Variants in PTPRD observed in about 807,000 individuals in gnomAD.
The protein encoded by PTPRD is protein tyrosine phosphatase receptor type D.
PTPRD carries 34 observed loss-of-function variants against 214.5 expected under a neutral mutation model. The ratio of observed to expected loss-of-function variants is 0.16; its 90% CI spans 0.12 to 0.21. PTPRD has a LOEUF of 0.21. PTPRD is among the 10% of genes least tolerant of loss of function. The pLI, the probability that PTPRD is intolerant of heterozygous loss-of-function variation, is 1.00. For synonymous variants in PTPRD, 1,128 were observed against 845.7 expected, an observed-to-expected ratio of 1.33 and a Z score of -5.79; for missense variants, 2,545 against 2,398.7, an observed-to-expected ratio of 1.06 and a Z score of -1.27.
intron 3 of PTPRD, among the ~76,000 whole-genome samples, chr9:10,144,176 T>C (rs1486029544): frequency 1.3e-5 from 2 of 152,142 alleles, no homozygotes; most frequent in Admixed American, 1.3e-4. Context: ...AAATTATCTT[T>C]TTAACAATTC....
At chr9:9,275,571 G>A (rs1423087689) in intron 9 of PTPRD, among the ~76,000 whole-genome samples, 2 of 151,120 alleles carry the variant, frequency 1.3e-5, no homozygotes, top group Non-Finnish European at 3.0e-5. Context: ...CCTAGATTAT[G>A]CTTTCTGCTT....
At chr9:9,458,177 A>T (rs1032056957) in intron 8 of PTPRD, among the ~76,000 whole-genome samples, 3 of 152,042 alleles carry the variant, frequency 2.0e-5, no homozygotes, top group African/African-American at 7.2e-5. Flanking sequence ...CACTCTAGAT[A>T]TAATCTAGGT....
At chr9:9,157,564 T>A (rs1180480505) in intron 10 of PTPRD, among the ~76,000 whole-genome samples, 2 of 152,160 alleles carry the variant, frequency 1.3e-5, no homozygotes, top group African/African-American at 4.8e-5. Flanking sequence ...AAGATTGAAT[T>A]ATGAATCAAC....
intron 12 of PTPRD, among the ~76,000 whole-genome samples, chr9:8,702,229 C>A (rs1597396521): frequency 6.6e-6 from 1 of 150,836 alleles, no homozygotes; most frequent in South Asian, 2.1e-4. Context: ...AGAATGGCTG[C>A]CAGATAAATA....
intron 11 of PTPRD, among the ~76,000 whole-genome samples, chr9:8,785,801 T>C (rs1356138000): frequency 6.6e-6 from 1 of 152,084 alleles, no homozygotes; most frequent in East Asian, 1.9e-4. Flanking sequence ...GAGGTTATAG[T>C]CAATATACAG....
intron 2 of PTPRD, among the ~76,000 whole-genome samples, chr9:10,419,329 G>A (rs563436491): frequency 7.8e-4 from 118 of 151,896 alleles, no homozygotes; most frequent in African/African-American, 2.7e-3. Context: ...CACACTGGTC[G>A]CTTCTCTCCT....
chr9:8,331,545 CCACTTAT>C, intron 44 of PTPRD, 30 bp downstream of exon 44: 4 of 966,850 alleles, frequency 4.1e-6, no homozygotes, highest in Non-Finnish European at 4.1e-6. Context: ...AGAAACACCA[CCACTTAT>C]CACTGCTTTA....
intron 3 of PTPRD, among the ~76,000 whole-genome samples, chr9:10,129,675 C>A (rs1388837958): frequency 1.3e-5 from 2 of 151,998 alleles, no homozygotes; most frequent in African/African-American, 4.8e-5. Flanking sequence ...GTTTCTTGGT[C>A]AGTATGCAAG....
At chr9:10,050,772 T>C (rs2097522391) in intron 3 of PTPRD, among the ~76,000 whole-genome samples, 1 of 151,922 alleles carries the variant, frequency 6.6e-6, no homozygotes, top group Admixed American at 6.6e-5. Context: ...TTTTATTTTA[T>C]CGTATCTTTC....
At chr9:9,432,246 A>G (rs993266923) in intron 8 of PTPRD, among the ~76,000 whole-genome samples, 5 of 151,992 alleles carry the variant, frequency 3.3e-5, no homozygotes, top group African/African-American at 1.2e-4. Context: ...AAAAGTGGGG[A>G]GACTTCCAGA....
intron 5 of PTPRD, among the ~76,000 whole-genome samples, chr9:9,837,216 T>A (rs140426585): frequency 1.6e-4 from 25 of 152,082 alleles, no homozygotes; most frequent in Non-Finnish European, 2.9e-4. Context: ...TGGATCATAA[T>A]AAATGAGAAA....
At chr9:9,325,013 A>G (rs879200140) in intron 9 of PTPRD, among the ~76,000 whole-genome samples, 1 of 152,048 alleles carries the variant, frequency 6.6e-6, no homozygotes, top group African/African-American at 2.4e-5. Flanking sequence ...GATGTGTGGT[A>G]TTACTTCTGA....
chr9:9,784,857 A>ATT (rs1049016543), intron 5 of PTPRD, among the ~76,000 whole-genome samples: 6 of 146,636 alleles, frequency 4.1e-5, no homozygotes, highest in Admixed American at 3.5e-4. Context: ...TGTATTATAT[A>ATT]TTATATATAT....
At chr9:9,223,637 T>C (rs1002061167) in intron 9 of PTPRD, among the ~76,000 whole-genome samples, 3 of 152,026 alleles carry the variant, frequency 2.0e-5, no homozygotes, top group African/African-American at 7.2e-5. Flanking sequence ...TCTATGAAAG[T>C]AGACATCATT....
chr9:8,856,154 T>C (rs2097912061), intron 11 of PTPRD, among the ~76,000 whole-genome samples: 1 of 152,194 alleles, frequency 6.6e-6, no homozygotes, highest in Non-Finnish European at 1.5e-5. Context: ...GTAAGTAAGA[T>C]ACTAAGCCTT....
At chr9:9,777,022 G>A (rs1223991721) in intron 5 of PTPRD, among the ~76,000 whole-genome samples, 5 of 152,108 alleles carry the variant, frequency 3.3e-5, no homozygotes, top group Non-Finnish European at 7.4e-5. Flanking sequence ...GACAGTCTGG[G>A]TACCACTGAA....
At chr9:9,670,384 A>G (rs1467857229) in intron 7 of PTPRD, among the ~76,000 whole-genome samples, 1 of 152,188 alleles carries the variant, frequency 6.6e-6, no homozygotes, top group Non-Finnish European at 1.5e-5. Flanking sequence ...CATAAAAGTT[A>G]AGAAAATTTC....
intron 10 of PTPRD, among the ~76,000 whole-genome samples, chr9:9,147,867 C>A (rs2099871330): frequency 1.3e-5 from 2 of 152,144 alleles, no homozygotes; most frequent in East Asian, 1.9e-4. Flanking sequence ...TTTGGCCTCA[C>A]CCTCTATATT....
At chr9:10,031,318 G>C (rs1471697749) in intron 4 of PTPRD, among the ~76,000 whole-genome samples, 6 of 152,006 alleles carry the variant, frequency 3.9e-5, no homozygotes, top group Admixed American at 1.3e-4. Context: ...GTGTCTGTAT[G>C]GGTGTTGCCA....
Sources: gnomAD v4.1 joint callset for allele counts (sites outside exome capture counted in the v4.1 genomes callset) on GRCh38, gnomAD v4.1.1 for gene constraint, MANE v1.5 for transcripts, NCBI Gene and HGNC (gene_info 2026-07-23, HGNC 2026-07-21) for gene names.